The following MCTP1 variants were observed in gnomAD, a reference collection of about 807,000 sequenced individuals.
MCTP1 encodes multiple C2 and transmembrane domain-containing protein 1.
MCTP1 carries 69 observed loss-of-function variants against 120.6 expected under a neutral mutation model. The ratio of observed to expected loss-of-function variants is 0.57; its 90% CI spans 0.47 to 0.70. The LOEUF is 0.70. Among genes scored for constraint, MCTP1 ranks in the 30% least tolerant of loss-of-function variants. The pLI, the probability that MCTP1 is intolerant of heterozygous loss-of-function variation, is 0.00. For synonymous variants in MCTP1, 529 were observed against 493.1 expected, an observed-to-expected ratio of 1.07 and a Z score of -0.96; for missense variants, 1,203 against 1,248.8, an observed-to-expected ratio of 0.96 and a Z score of 0.55.
chr5:94,796,773 G>A (rs1196221519), intron 18 of MCTP1, among the ~76,000 whole-genome samples: 4 of 151,574 alleles, frequency 2.6e-5, no homozygotes, highest in Admixed American at 2.6e-4. Context: ...TAGACAAATT[G>A]GATTTAAGAG....
chr5:94,765,085 A>G (rs1772264754), intron 19 of MCTP1, among the ~76,000 whole-genome samples: 1 of 152,134 alleles, frequency 6.6e-6, no homozygotes, highest in Non-Finnish European at 1.5e-5. Flanking sequence ...GAAATCAATA[A>G]AAAGAGGACT....
intron 1 of MCTP1, among the ~76,000 whole-genome samples, chr5:95,120,740 G>A (rs1037679872): frequency 6.6e-6 from 1 of 152,128 alleles, no homozygotes; most frequent in Admixed American, 6.6e-5. Flanking sequence ...ACTGAATGGG[G>A]AAAAACTGAA....
intron 19 of MCTP1, among the ~76,000 whole-genome samples, chr5:94,735,383 A>G (rs938989025): frequency 1.3e-4 from 20 of 150,354 alleles, no homozygotes; most frequent in African/African-American, 2.7e-4. Context: ...GGCTCAAGCA[A>G]TCCTCCCATC....
intron 19 of MCTP1, among the ~76,000 whole-genome samples, chr5:94,751,484 T>C: frequency 6.6e-6 from 1 of 151,848 alleles, no homozygotes; most frequent in East Asian, 1.9e-4. Context: ...GAAAGCCTAA[T>C]AAAAGTGACC....
intron 19 of MCTP1, among the ~76,000 whole-genome samples, chr5:94,778,305 C>T (rs1386940360): frequency 6.6e-6 from 1 of 152,118 alleles, no homozygotes; most frequent in African/African-American, 2.4e-5. Flanking sequence ...CTCTGCCTCC[C>T]AATCTCACCC....
At chr5:95,124,395 G>A (rs1228538766) in intron 1 of MCTP1, among the ~76,000 whole-genome samples, 1 of 152,212 alleles carries the variant, frequency 6.6e-6, no homozygotes, top group Non-Finnish European at 1.5e-5. Context: ...CTTTATAAAT[G>A]AGAAAATCTG....
At chr5:95,117,547 G>T (rs191644793) in intron 1 of MCTP1, among the ~76,000 whole-genome samples, 3 of 152,088 alleles carry the variant, frequency 2.0e-5, no homozygotes, top group Non-Finnish European at 4.4e-5. Context: ...AAATAGGAAC[G>T]CTTTCACACT....
intron 1 of MCTP1, among the ~76,000 whole-genome samples, chr5:95,048,359 G>A (rs1448754350): frequency 6.6e-6 from 1 of 152,086 alleles, no homozygotes; most frequent in Non-Finnish European, 1.5e-5. Flanking sequence ...GAGAAACAGA[G>A]GATTATAATG....
chr5:94,703,790 G>A lies in MCTP1; in HGVS notation c.*3706C>T, dbSNP rs898596868. 6.6e-6 allele frequency: 1 copy of A among 150,966 alleles called. No homozygotes were observed. The highest frequency in any genetic ancestry group is 2.4e-5 in the African/African-American group (1 of 41,174). The allele number at this position is 150,966 out of a possible 1,614,324, so 9.4% of individuals were successfully genotyped here. ...CATTAAGTTCCAGGAAACCTTTCATGGTGCTCTTAGTTTCTACATTGTATG... is the reference window on the plus strand; with the variant it reads ...CATTAAGTTCCAGGAAACCTTTCATAGTGCTCTTAGTTTCTACATTGTATG... On this transcript the variant is annotated 3_prime_UTR_variant, in exon 23 of 23. Coordinates refer to ENST00000515393, the MANE Select transcript of MCTP1 (RefSeq NM_024717.7).
chr5:94,742,421 A>G (rs1201458913), intron 19 of MCTP1, among the ~76,000 whole-genome samples: 1 of 152,134 alleles, frequency 6.6e-6, no homozygotes, highest in African/African-American at 2.4e-5. Context: ...GCTTAGTGAT[A>G]CTAAGTAAAT....
At chr5:94,857,022 A>G (rs552320829) in intron 17 of MCTP1, among the ~76,000 whole-genome samples, 41 of 151,798 alleles carry the variant, frequency 2.7e-4, no homozygotes, top group Non-Finnish European at 5.7e-4. Context: ...GATGATGAGA[A>G]TAATGAGTGT....
intron 1 of MCTP1, among the ~76,000 whole-genome samples, chr5:95,035,310 G>C (rs950364085): frequency 2.0e-5 from 3 of 151,982 alleles, no homozygotes; most frequent in Admixed American, 2.0e-4. Flanking sequence ...CAAAGGCATG[G>C]AATCAACCTA....
intron 2 of MCTP1, among the ~76,000 whole-genome samples, chr5:94,982,494 A>G (rs1263103532): frequency 1.3e-5 from 2 of 152,174 alleles, no homozygotes; most frequent in East Asian, 3.9e-4. Context: ...AAGATTTCTT[A>G]TACTGACTGA....
At chr5:94,999,942 A>G (rs1425328906) in intron 2 of MCTP1, among the ~76,000 whole-genome samples, 1 of 152,196 alleles carries the variant, frequency 6.6e-6, no homozygotes, top group Non-Finnish European at 1.5e-5. Flanking sequence ...TGTGAAGACC[A>G]TATACAAAGC....
At chr5:95,023,326 T>C (rs970702620) in intron 1 of MCTP1, among the ~76,000 whole-genome samples, 2 of 152,168 alleles carry the variant, frequency 1.3e-5, no homozygotes, top group African/African-American at 4.8e-5. Flanking sequence ...TAGAAATTAT[T>C]TAAAAGGATT....
chr5:95,092,247 C>T (rs1287090785), intron 1 of MCTP1, among the ~76,000 whole-genome samples: 2 of 151,968 alleles, frequency 1.3e-5, no homozygotes, highest in African/African-American at 4.8e-5. Flanking sequence ...AAAGAAAAAA[C>T]TGTTAAAATA....
At chr5:94,978,396 G>A (rs961983614) in intron 2 of MCTP1, among the ~76,000 whole-genome samples, 5 of 152,054 alleles carry the variant, frequency 3.3e-5, no homozygotes, top group Admixed American at 3.3e-4. Context: ...AGAGAAATAA[G>A]CACTCCCATA....
chr5:95,057,372 G>A (rs1747687246), intron 1 of MCTP1, among the ~76,000 whole-genome samples: 2 of 152,052 alleles, frequency 1.3e-5, no homozygotes, highest in African/African-American at 4.8e-5. Flanking sequence ...GTGGGAAAAT[G>A]AATCATTTGG....
intron 7 of MCTP1, among the ~76,000 whole-genome samples, chr5:94,918,728 A>G (rs1319372300): frequency 6.6e-6 from 1 of 152,236 alleles, no homozygotes; most frequent in Non-Finnish European, 1.5e-5. Flanking sequence ...CCTTAATAAC[A>G]TCAACAGAGA....
Sources: gnomAD v4.1 joint callset for allele counts (sites outside exome capture counted in the v4.1 genomes callset) on GRCh38, gnomAD v4.1.1 for gene constraint, MANE v1.5 for transcripts, NCBI Gene and HGNC (gene_info 2026-07-23, HGNC 2026-07-21) for gene names.